Variants in MBNL3 observed in about 807,000 individuals in gnomAD.
The protein encoded by MBNL3 is muscleblind like splicing regulator 3.
MBNL3 carries 6 observed loss-of-function variants against 24.5 expected under a neutral mutation model. The ratio of observed to expected loss-of-function variants is 0.25; its 90% confidence interval spans 0.13 to 0.48. The LOEUF (loss-of-function observed/expected upper bound fraction) is 0.48. Among genes scored for constraint, MBNL3 ranks in the 20% least tolerant of loss-of-function variants. MBNL3 has a pLI of 0.99. For missense variants in MBNL3, 230 were observed against 293.5 expected (o/e 0.78, Z 1.58); for synonymous variants, 100 against 101.7 (o/e 0.98, Z 0.10).
chrX:132,377,931 T>C lies in MBNL3; in HGVS notation c.*1735A>G, dbSNP rs950536130. ...GTCATGTGTTTCCACCACTGTATAA[T>C]AACATTAATAAATGAGTAGAGTGGA... On this transcript the variant is annotated 3_prime_UTR_variant, in exon 9 of 9. Coordinates refer to ENST00000370853, the MANE Select transcript of MBNL3 (RefSeq NM_001386889.1). 1.8e-5 allele frequency: 2 copies of C among 110,349 alleles called. No homozygotes were observed. Among genetic ancestry groups the C allele is most frequent in the African/African-American group, 6.6e-5 (2 of 30,373 alleles). 9.1% of individuals were successfully genotyped at this position (110,349 alleles called of 1,213,427 possible). A position where few individuals can be genotyped will look rare whatever the true frequency, so the allele number is the denominator to read the frequency against.
intron 3 of MBNL3, 97 bp downstream of exon 3, chrX:132,406,131 G>A (rs1941791631): frequency 1.0e-6 from 1 of 970,067 alleles, no homozygotes; most frequent in Non-Finnish European, 1.5e-6. Flanking sequence ...ATTAGTTTGT[G>A]TCCTAAATCC....
At chrX:132,381,470 C>T (rs1461031987) in intron 8 of MBNL3, 1 of 905,008 alleles carries the variant, frequency 1.1e-6, no homozygotes, top group East Asian at 3.2e-5. Flanking sequence ...AAAATAGTTT[C>T]TTGGGAGAAT....
Position 132,379,551 on chromosome X carries a change from A to C in MBNL3, c.*115T>G. 1 of 784,424 alleles carries C rather than the reference A, an allele frequency of 1.3e-6. No individual in the cohort carries two copies. Among genetic ancestry groups the C allele is most frequent in the Non-Finnish European group, 1.8e-6 (1 of 559,452 alleles). The allele number at this position is 784,424 out of a possible 1,213,427, so 64.6% of individuals were successfully genotyped here. A position where few individuals can be genotyped will look rare whatever the true frequency, so the allele number is the denominator to read the frequency against. ...CTGGCAGGTTTGCTTTGCTTAATAC[A>C]TTGACTGCAACACGCTTATTGTTGT... On this transcript the variant is annotated 3_prime_UTR_variant, in exon 9 of 9. Transcript: ENST00000370853.
intron 3 of MBNL3, among the ~76,000 whole-genome samples, chrX:132,403,448 T>G (rs781075158): frequency 8.9e-6 from 1 of 112,004 alleles, no homozygotes; most frequent in East Asian, 2.8e-4. Flanking sequence ...CTTGTAACAT[T>G]CTATAAAATA....
intron 7 of MBNL3, among the ~76,000 whole-genome samples, chrX:132,382,531 G>T (rs1385862411): frequency 8.9e-6 from 1 of 112,081 alleles, no homozygotes; most frequent in Non-Finnish European, 1.9e-5. Flanking sequence ...TCAACATTTA[G>T]TAAGTTTTTG....
chrX:132,428,827 C>T (rs1450117542), intron 2 of MBNL3, among the ~76,000 whole-genome samples: 2 of 111,971 alleles, frequency 1.8e-5, no homozygotes, highest in Non-Finnish European at 3.8e-5. Flanking sequence ...ATCCACATTT[C>T]GAAAAAATCT....
At chrX:132,419,066 T>C (rs1943558385) in intron 2 of MBNL3, among the ~76,000 whole-genome samples, 1 of 113,096 alleles carries the variant, frequency 8.8e-6, no homozygotes, top group Non-Finnish European at 1.9e-5. Flanking sequence ...AGGGCCACTG[T>C]ACCTGGCCCT....
intron 1 of MBNL3, among the ~76,000 whole-genome samples, chrX:132,464,985 C>T (rs566237225): frequency 3.6e-4 from 40 of 111,815 alleles, no homozygotes; most frequent in African/African-American, 1.2e-3. Flanking sequence ...GCAGAGGTTG[C>T]AGTGAGCTGA....
Position 132,413,669 on chromosome X carries a change from C to T in MBNL3, c.178-7277G>A, listed in dbSNP as rs892057831. On this transcript the variant is annotated intron_variant, in intron 2 of 8. Coordinates refer to ENST00000370853, the MANE Select transcript of MBNL3 (RefSeq NM_001386889.1). ...AGCTCCTCCCACCAAAAGCTTCACA[C>T]GGCTCGCTACCCTGGCAGCCACTCC... The T allele has an allele frequency of 9.1e-6, 9 of 992,773 alleles. 1 individual carries two copies. Among genetic ancestry groups the T allele is most frequent in the Middle Eastern group, 3.4e-4 (1 of 2,911 alleles). The allele number at this position is 992,773 out of a possible 1,213,427, so 81.8% of individuals were successfully genotyped here. A position where few individuals can be genotyped will look rare whatever the true frequency, so the allele number is the denominator to read the frequency against.
At chrX:132,405,294 A>G (rs939162197) in intron 3 of MBNL3, among the ~76,000 whole-genome samples, 1 of 111,786 alleles carries the variant, frequency 8.9e-6, no homozygotes, top group Non-Finnish European at 1.9e-5. Flanking sequence ...CACAGAGCAG[A>G]GAAGAGAGGG....
chrX:132,380,142 G>A (rs1002111737), intron 8 of MBNL3, among the ~76,000 whole-genome samples: 68 of 112,102 alleles, frequency 6.1e-4, no homozygotes, highest in African/African-American at 2.0e-3. Flanking sequence ...TTACATTTTT[G>A]AACTTTAGAG....
chrX:132,379,656 A>G lies in MBNL3; in HGVS notation c.*10T>C. ...CATGGAAAGATTCTGATACTCCATAACTCTGCTGTTCAGAATTTCAGCTGA... is the reference window on the plus strand; with the variant it reads ...CATGGAAAGATTCTGATACTCCATAGCTCTGCTGTTCAGAATTTCAGCTGA... On this transcript the variant is annotated 3_prime_UTR_variant, in exon 9 of 9. Coordinates refer to ENST00000370853, the MANE Select transcript of MBNL3 (RefSeq NM_001386889.1). 1 of 1,196,084 alleles carries G rather than the reference A, an allele frequency of 8.4e-7. No individual in the cohort carries two copies. Among genetic ancestry groups the G allele is most frequent in the Non-Finnish European group, 1.1e-6 (1 of 883,428 alleles).
rs995299921 is a variant in MBNL3 at position 132,369,397 on chromosome X, A to C, written c.*10269T>G. 3.6e-5 allele frequency: 4 copies of C among 112,190 alleles called. No individual in the cohort carries two copies. The highest frequency in any genetic ancestry group is 1.3e-4 in the African/African-American group (4 of 30,835). 9.2% of individuals were successfully genotyped at this position (112,190 alleles called of 1,213,427 possible). On this transcript the variant is annotated 3_prime_UTR_variant, in exon 9 of 9. Coordinates refer to ENST00000370853, the MANE Select transcript of MBNL3 (RefSeq NM_001386889.1). ...ATAACCACTTACTATATATACAGAA[A>C]TATATATAATTAACATGGATCCAAT...
rs774340036 is a variant in MBNL3, at chrX:132,373,874, C to T, written c.*5792G>A. The T allele has an allele frequency of 9.0e-6, 1 of 111,647 alleles. No individual in the cohort carries two copies. The highest frequency in any genetic ancestry group is 3.8e-4 in the South Asian group (1 of 2,663). The allele number at this position is 111,647 out of a possible 1,213,427, so 9.2% of individuals were successfully genotyped here. A position where few individuals can be genotyped will look rare whatever the true frequency, so the allele number is the denominator to read the frequency against. On this transcript the variant is annotated 3_prime_UTR_variant, in exon 9 of 9. Transcript: ENST00000370853. ...TGGGAGGCTGAAGTGGCACAGTTAA[C>T]TACTTTGTAATCTGGTAAAGGTAGG...
intron 3 of MBNL3, among the ~76,000 whole-genome samples, chrX:132,400,917 TTG>T (rs1398008505): frequency 1.8e-5 from 2 of 112,132 alleles, no homozygotes; most frequent in Non-Finnish European, 3.8e-5. Context: ...TACATAATGC[TTG>T]TCTTTCCTAA....
intron 2 of MBNL3, among the ~76,000 whole-genome samples, chrX:132,406,682 T>A (rs1486975604): frequency 8.9e-6 from 1 of 112,020 alleles, no homozygotes; most frequent in African/African-American, 3.2e-5. Context: ...TTTATTGATG[T>A]TAAGCACTTT....
rs185990256 is a variant in MBNL3, at chrX:132,407,169, G to C, written c.178-777C>G. Among the ~76,000 whole-genome samples, 186 of 112,144 alleles carry C rather than the reference G, an allele frequency of 1.7e-3. 1 individual carries two copies. Among genetic ancestry groups the C allele is most frequent in the Admixed American group, 0.015 (163 of 10,600 alleles). ...TGATGCCTACACAGTTTATGCAATGGCTTCTCCATTGTTTAGTTATGTTGT... is the reference window on the plus strand; with the variant it reads ...TGATGCCTACACAGTTTATGCAATGCCTTCTCCATTGTTTAGTTATGTTGT... On this transcript the variant is annotated intron_variant, in intron 2 of 8. Coordinates refer to ENST00000370853, the MANE Select transcript of MBNL3 (RefSeq NM_001386889.1).
intron 1 of MBNL3, among the ~76,000 whole-genome samples, chrX:132,477,331 T>A (rs1407116485): frequency 8.9e-6 from 1 of 112,293 alleles, no homozygotes; most frequent in Non-Finnish European, 1.9e-5. Flanking sequence ...CAGAGTTTAG[T>A]CACTAACTCA....
At chrX:132,461,031 G>T (rs1946603930) in intron 1 of MBNL3, among the ~76,000 whole-genome samples, 1 of 111,823 alleles carries the variant, frequency 8.9e-6, no homozygotes, top group Non-Finnish European at 1.9e-5. Context: ...TGCTTCAAAA[G>T]ACATTATTTT....
Sources: gnomAD v4.1 joint callset for allele counts (sites outside exome capture counted in the v4.1 genomes callset) on GRCh38, gnomAD v4.1.1 for gene constraint, MANE v1.5 for transcripts, NCBI Gene and HGNC (gene_info 2026-07-23, HGNC 2026-07-21) for gene names.